GPC6: variants seen among roughly 807,000 people sequenced by gnomAD.
GPC6 encodes the protein glypican 6.
Under a neutral mutation model 55.2 loss-of-function variants are expected in GPC6, and 14 were observed. The observed-to-expected ratio is 0.25, with a 90% CI of 0.17 to 0.40. The LOEUF is 0.40. Ranked by LOEUF, GPC6 falls within the 10% of genes least tolerant of loss-of-function variation. The pLI, the probability that GPC6 is intolerant of heterozygous loss-of-function variation, is 1.00. For missense variants in GPC6, 641 were observed against 708.5 expected, an observed-to-expected ratio of 0.90 and a Z score of 1.08; for synonymous variants, 278 against 259.6, an observed-to-expected ratio of 1.07 and a Z score of -0.68.
intron 2 of GPC6, among the ~76,000 whole-genome samples, chr13:93,568,548 G>A (rs552267347): frequency 1.1e-4 from 17 of 152,022 alleles, no homozygotes; most frequent in Non-Finnish European, 2.5e-4. Context: ...GAACAAAGAG[G>A]GGAGAAAGTT....
rs533995005 is a variant in GPC6 at position 93,429,753 on chromosome 13, GT to G, written c.161-115508del. ...CTGGTCACCATTAGTGTAAGCTTGT[GT>G]TGGGCTAGGTGATACATGTATTGTG... On this transcript the variant is annotated intron_variant, in intron 1 of 8. Transcript: ENST00000377047. 3.3e-3 allele frequency among the ~76,000 whole-genome samples: 509 copies of G among 152,150 alleles called. 6 individuals carry two copies. The highest frequency in any genetic ancestry group is 0.012 in the African/African-American group (482 of 41,528).
intron 3 of GPC6, among the ~76,000 whole-genome samples, chr13:93,896,558 G>C (rs1452553023): frequency 6.6e-6 from 1 of 152,036 alleles, no homozygotes; most frequent in Non-Finnish European, 1.5e-5. Flanking sequence ...AAGATGTGTA[G>C]CAGAAAATGT....
intron 2 of GPC6, among the ~76,000 whole-genome samples, chr13:93,643,662 G>A (rs927615408): frequency 2.0e-5 from 3 of 152,064 alleles, no homozygotes; most frequent in Non-Finnish European, 4.4e-5. Flanking sequence ...TCACATGAGA[G>A]TTTTCTCCCA....
At chr13:94,149,608 A>G (rs1887668888) in intron 4 of GPC6, among the ~76,000 whole-genome samples, 1 of 152,126 alleles carries the variant, frequency 6.6e-6, no homozygotes, top group South Asian at 2.1e-4. Context: ...AAGTTATCAT[A>G]TTTGGAATCG....
At chr13:93,717,002 A>G (rs1883273526) in intron 2 of GPC6, among the ~76,000 whole-genome samples, 1 of 151,664 alleles carries the variant, frequency 6.6e-6, no homozygotes, top group African/African-American at 2.4e-5. Context: ...TAGGAGCAAC[A>G]GGCTATATAC....
intron 1 of GPC6, among the ~76,000 whole-genome samples, chr13:93,393,127 T>TATATATATATATATATATATATATAGAG (rs1230857277): frequency 1.1e-5 from 1 of 87,612 alleles, no homozygotes; most frequent in African/African-American, 3.9e-5. Context: ...TATATATATA[T>TATATATATATATATATATATATATAGAG]AGAGAGAGAG....
chr13:94,190,637 T>C (rs1889360358), intron 4 of GPC6, among the ~76,000 whole-genome samples: 1 of 152,166 alleles, frequency 6.6e-6, no homozygotes, highest in East Asian at 1.9e-4. Context: ...AGACAGTAGG[T>C]TACGTAAAAG....
In GPC6 at chr13:93,829,791, AAAC is replaced by A. The variant is rs1179758871; in HGVS notation, c.320-357_320-355del. On this transcript the variant is annotated intron_variant, in intron 2 of 8. Transcript: ENST00000377047. Reference sequence around the variant, plus strand: ...GAAGCAAATGTGTTTATCATTATGTAAACAACAATACTCTGCACGTTATATTTG... The same window carrying A: ...GAAGCAAATGTGTTTATCATTATGTAAACAATACTCTGCACGTTATATTTG... 2.0e-5 allele frequency among the ~76,000 whole-genome samples: 3 copies of A among 152,348 alleles called. No homozygotes were observed. In the East Asian group the frequency reaches 5.8e-4, roughly 29 times the overall value.
intron 6 of GPC6, among the ~76,000 whole-genome samples, chr13:94,381,986 A>C (rs1485005526): frequency 6.6e-6 from 1 of 152,270 alleles, no homozygotes; most frequent in African/African-American, 2.4e-5. Context: ...TTGCAGAAAC[A>C]AGGAGTCCAT....
intron 1 of GPC6, among the ~76,000 whole-genome samples, chr13:93,539,577 A>G (rs557529816): frequency 6.6e-6 from 1 of 152,270 alleles, no homozygotes; most frequent in East Asian, 1.9e-4. Context: ...TAATAAGGTA[A>G]TTCTCTAATA....
At chr13:93,982,734 TAATC>T (rs1013043450) in intron 3 of GPC6, among the ~76,000 whole-genome samples, 6 of 152,204 alleles carry the variant, frequency 3.9e-5, no homozygotes, top group Non-Finnish European at 5.9e-5. Flanking sequence ...AATGAACTGT[TAATC>T]AGAATCTGTA....
chr13:93,494,772 T>C (rs1261245906), intron 1 of GPC6, among the ~76,000 whole-genome samples: 8 of 150,218 alleles, frequency 5.3e-5, no homozygotes, highest in Non-Finnish European at 7.4e-5. Context: ...TTATTTCTCC[T>C]TCACTTATGA....
At chr13:93,678,787 G>T (rs1313994264) in intron 2 of GPC6, among the ~76,000 whole-genome samples, 1 of 152,146 alleles carries the variant, frequency 6.6e-6, no homozygotes, top group Admixed American at 6.6e-5. Context: ...ACGGAGCTCA[G>T]TGGGAAGCTA....
intron 4 of GPC6, among the ~76,000 whole-genome samples, chr13:94,253,632 T>G (rs921861989): frequency 6.6e-6 from 1 of 152,114 alleles, no homozygotes. Context: ...TGAGTGGGTG[T>G]GTTTTCGATC....
chr13:94,242,816 T>C (rs1371645180), intron 4 of GPC6, among the ~76,000 whole-genome samples: 1 of 152,068 alleles, frequency 6.6e-6, no homozygotes, highest in Non-Finnish European at 1.5e-5. Flanking sequence ...GAAGATTTAA[T>C]AGCAATATTT....
rs1387557954 is a variant in GPC6 at position 93,231,376 on chromosome 13, TATAC to T, written c.160+3764_160+3767del. Among the ~76,000 whole-genome samples, 9 of 17,536 alleles carry T rather than the reference TATAC, an allele frequency of 5.1e-4. No homozygotes were observed. In the East Asian group the frequency reaches 6.0e-3, roughly 12 times the overall value. The allele number at this position is 17,536 out of a possible 152,430, so 11.5% of individuals were successfully genotyped here. Reference sequence around the variant, plus strand: ...ATATATATACGTATATATATATATATATACATATATATATATATATGTATATATA... The same window carrying T: ...ATATATATACGTATATATATATATATATATATATATATATATGTATATATA... On this transcript the variant is annotated intron_variant, in intron 1 of 8. Transcript: ENST00000377047.
chr13:94,246,665 T>C (rs1320203306), intron 4 of GPC6, among the ~76,000 whole-genome samples: 1 of 152,064 alleles, frequency 6.6e-6, no homozygotes, highest in African/African-American at 2.4e-5. Flanking sequence ...AAGTAGTTGA[T>C]TATATATGTT....
chr13:94,147,453 T>C (rs2138889873), intron 4 of GPC6, among the ~76,000 whole-genome samples: 1 of 152,330 alleles, frequency 6.6e-6, no homozygotes, highest in African/African-American at 2.4e-5. Flanking sequence ...ATCTCAATGC[T>C]CTAAGCCTCC....
At chr13:93,330,380 A>G (rs1879802204) in intron 1 of GPC6, among the ~76,000 whole-genome samples, 1 of 152,086 alleles carries the variant, frequency 6.6e-6, no homozygotes, top group South Asian at 2.1e-4. Context: ...AGAAAAAGCC[A>G]TATGTGGTAG....
Sources: gnomAD v4.1 joint callset for allele counts (sites outside exome capture counted in the v4.1 genomes callset) on GRCh38, gnomAD v4.1.1 for gene constraint, MANE v1.5 for transcripts, NCBI Gene and HGNC (gene_info 2026-07-23, HGNC 2026-07-21) for gene names.